Variants in KATNBL1 observed in about 807,000 individuals in gnomAD.
The protein encoded by KATNBL1 is KATNB1-like protein 1.
In KATNBL1, 28 loss-of-function variants were observed where a neutral mutation model predicts 44.7. That is an observed-to-expected ratio of 0.63 (90% CI 0.46 to 0.86). The LOEUF (loss-of-function observed/expected upper bound fraction) is 0.86. Among genes scored for constraint, KATNBL1 ranks in the 40% least tolerant of loss-of-function variants. The pLI is 0.00. For synonymous variants in KATNBL1, 78 were observed against 114.9 expected (o/e 0.68, Z 2.06); for missense variants, 272 against 350.7 (o/e 0.78, Z 1.79).
At chr15:34,164,134 TC>T (rs1188854336) in intron 1 of KATNBL1, among the ~76,000 whole-genome samples, 2 of 152,218 alleles carry the variant, frequency 1.3e-5, no homozygotes, top group African/African-American at 4.8e-5. Flanking sequence ...CCTCAGGTGA[TC>T]CATCCGCCTC....
chr15:34,160,224 T>A (rs1432431337), intron 2 of KATNBL1, among the ~76,000 whole-genome samples: 4 of 152,216 alleles, frequency 2.6e-5, no homozygotes, highest in Admixed American at 2.0e-4. Flanking sequence ...TTTGTACCCT[T>A]CATATTGCCT....
intron 4 of KATNBL1, 138 bp from the exon 5 acceptor site, chr15:34,148,888 C>T (rs562609568): frequency 9.5e-5 from 54 of 570,068 alleles, no homozygotes; most frequent in Middle Eastern, 9.0e-4. Flanking sequence ...AAAAGGAATA[C>T]TGCAGTTGAC....
rs550844462 is a variant in KATNBL1, at chr15:34,159,478, T to C, written c.117+4082A>G. On this transcript the variant is annotated intron_variant, in intron 2 of 9. Coordinates refer to ENST00000256544, the MANE Select transcript of KATNBL1 (RefSeq NM_024713.3). ...CTTTACAGGCAGTATTGGAGTGTTATAGGGAGACATACAGGGTTCAAGAAG... is the reference window on the plus strand; with the variant it reads ...CTTTACAGGCAGTATTGGAGTGTTACAGGGAGACATACAGGGTTCAAGAAG... Among the ~76,000 whole-genome samples the C allele has an allele frequency of 8.6e-4, 131 of 152,340 alleles. 1 individual carries two copies. The highest frequency in any genetic ancestry group is 2.9e-3 in the African/African-American group (120 of 41,592).
intron 1 of KATNBL1, among the ~76,000 whole-genome samples, chr15:34,188,765 T>A (rs1371188302): frequency 6.6e-6 from 1 of 152,256 alleles, no homozygotes; most frequent in Non-Finnish European, 1.5e-5. Flanking sequence ...TCTAGTCTCA[T>A]GGCACAATTT....
intron 1 of KATNBL1, among the ~76,000 whole-genome samples, chr15:34,166,394 G>A (rs1411255124): frequency 6.6e-6 from 1 of 152,238 alleles, no homozygotes; most frequent in Non-Finnish European, 1.5e-5. Flanking sequence ...AGGGGCGTCC[G>A]CCACTGCTGA....
chr15:34,208,228 T>G (rs1363241516), intron 1 of KATNBL1, among the ~76,000 whole-genome samples: 1 of 152,164 alleles, frequency 6.6e-6, no homozygotes, highest in Non-Finnish European at 1.5e-5. Flanking sequence ...CAATGTGTAG[T>G]CTTCTATCCT....
chr15:34,162,217 G>C (rs1428515374), intron 2 of KATNBL1, among the ~76,000 whole-genome samples: 1 of 152,176 alleles, frequency 6.6e-6, no homozygotes, highest in African/African-American at 2.4e-5. Context: ...ATTGCCAAGT[G>C]TTGTGGGAGG....
At chr15:34,206,861 A>G (rs1890307391) in intron 1 of KATNBL1, among the ~76,000 whole-genome samples, 1 of 152,188 alleles carries the variant, frequency 6.6e-6, no homozygotes, top group African/African-American at 2.4e-5. Flanking sequence ...TCCCAGTAAA[A>G]GTACCATTTG....
chr15:34,169,461 C>G lies in KATNBL1; in HGVS notation c.-14-5771G>C, dbSNP rs565655398. On this transcript the variant is annotated intron_variant, in intron 1 of 9. Coordinates refer to ENST00000256544, the MANE Select transcript of KATNBL1 (RefSeq NM_024713.3). ...AGGCAATAATTAATAGCCTACCAAC[C>G]AAAAAAAGTCCAGGACCAAACAGAT... Among the ~76,000 whole-genome samples the G allele has an allele frequency of 1.2e-4, 19 of 152,108 alleles. No homozygotes were observed. In the East Asian group the frequency reaches 3.7e-3, roughly 29 times the overall value.
intron 1 of KATNBL1, among the ~76,000 whole-genome samples, chr15:34,200,885 C>T (rs1890162340): frequency 6.6e-6 from 1 of 152,050 alleles, no homozygotes; most frequent in Non-Finnish European, 1.5e-5. Context: ...GGCGCCATCT[C>T]AGCTCACTGC....
At chr15:34,146,704 C>T in intron 8 of KATNBL1, 57 bp downstream of exon 8, 1 of 960,830 alleles carries the variant, frequency 1.0e-6, no homozygotes, top group Non-Finnish European at 1.7e-6. Flanking sequence ...CTAGTTTAAT[C>T]AAGCTGCTTT....
Position 34,207,362 on chromosome 15 carries a change from C to A in KATNBL1, c.-15+2589G>T, listed in dbSNP as rs533142796. ...TAGCTGGAACTACAGGCGTGTGACACCACGCCCAGCTAATTTTTTGTATTT... is the reference window on the plus strand; with the variant it reads ...TAGCTGGAACTACAGGCGTGTGACAACACGCCCAGCTAATTTTTTGTATTT... On this transcript the variant is annotated intron_variant, in intron 1 of 9. Coordinates refer to ENST00000256544, the MANE Select transcript of KATNBL1 (RefSeq NM_024713.3). Among the ~76,000 whole-genome samples the A allele has an allele frequency of 4.6e-5, 7 of 152,256 alleles. No homozygotes were observed. In the South Asian group the frequency reaches 1.5e-3, roughly 32 times the overall value.
At chr15:34,183,665 G>A (rs560085257) in intron 1 of KATNBL1, among the ~76,000 whole-genome samples, 22 of 152,278 alleles carry the variant, frequency 1.4e-4, no homozygotes, top group Admixed American at 6.5e-4. Flanking sequence ...TAAAGAGAAA[G>A]GGGAATAAAT....
At chr15:34,208,409 A>G (rs1376757571) in intron 1 of KATNBL1, 1 of 152,258 alleles carries the variant, frequency 6.6e-6, no homozygotes, top group Non-Finnish European at 1.5e-5. Context: ...AGATAAGTAT[A>G]AACTGCTGAT....
At chr15:34,202,620 T>C (rs935518745) in intron 1 of KATNBL1, among the ~76,000 whole-genome samples, 1 of 152,204 alleles carries the variant, frequency 6.6e-6, no homozygotes, top group African/African-American at 2.4e-5. Flanking sequence ...GAAGAATCAC[T>C]TGCAGGCTCA....
intron 1 of KATNBL1, among the ~76,000 whole-genome samples, chr15:34,182,729 T>C (rs911580484): frequency 1.3e-5 from 2 of 152,220 alleles, no homozygotes; most frequent in Admixed American, 1.3e-4. Flanking sequence ...AAATGCATTA[T>C]ACTAAGTGAA....
At chr15:34,142,878 AT>A in intron 9 of KATNBL1, 1 of 339,508 alleles carries the variant, frequency 2.9e-6, no homozygotes, top group Non-Finnish European at 5.7e-6. Flanking sequence ...CGCCCGGCTA[AT>A]TTTTTGTGTT....
chr15:34,160,944 CT>C (rs1351589593), intron 2 of KATNBL1, among the ~76,000 whole-genome samples: 1 of 152,182 alleles, frequency 6.6e-6, no homozygotes, highest in Non-Finnish European at 1.5e-5. Flanking sequence ...CTGGAGGCTT[CT>C]CACATTCTTC....
intron 1 of KATNBL1, among the ~76,000 whole-genome samples, chr15:34,199,280 T>C (rs770621360): frequency 6.6e-6 from 1 of 151,972 alleles, no homozygotes; most frequent in Non-Finnish European, 1.5e-5. Flanking sequence ...CTACTAAAAA[T>C]ACAAAAATTA....
Sources: allele counts gnomAD v4.1 joint callset (sites outside exome capture counted in the v4.1 genomes callset), GRCh38; gene constraint gnomAD v4.1.1; transcripts MANE v1.5; gene names NCBI Gene and HGNC (gene_info 2026-07-23, HGNC 2026-07-21).